KHDRBS2: variants seen among roughly 807,000 people sequenced by gnomAD.
KHDRBS2 encodes KH domain-containing, RNA-binding, signal transduction-associated protein 2.
Under a neutral mutation model 44.3 loss-of-function variants are expected in KHDRBS2, and 26 were observed. The ratio of observed to expected loss-of-function variants is 0.59; its 90% confidence interval spans 0.43 to 0.81. The LOEUF (loss-of-function observed/expected upper bound fraction) is 0.81. KHDRBS2 is among the 40% of genes least tolerant of loss of function. The pLI, the probability that KHDRBS2 is intolerant of heterozygous loss-of-function variation, is 0.00. For synonymous variants in KHDRBS2, 194 were observed against 151.1 expected, an observed-to-expected ratio of 1.28 and a Z score of -2.08; for missense variants, 476 against 433.1, an observed-to-expected ratio of 1.10 and a Z score of -0.88.
At chr6:61,925,657 G>A (rs1808812563) in intron 4 of KHDRBS2, among the ~76,000 whole-genome samples, 1 of 151,784 alleles carries the variant, frequency 6.6e-6, no homozygotes, top group African/African-American at 2.4e-5. Flanking sequence ...GGGAGGTTGA[G>A]GCGGCAGTGA....
At chr6:61,804,737 C>T (rs1326926276) in intron 6 of KHDRBS2, among the ~76,000 whole-genome samples, 4 of 152,202 alleles carry the variant, frequency 2.6e-5, no homozygotes, top group Non-Finnish European at 4.4e-5. Context: ...ACAGTCTGAC[C>T]TGTACGTTGG....
chr6:61,698,943 CTTGCTTTGCTCACCTTAGCATTCA>C (rs1263476172), intron 7 of KHDRBS2, among the ~76,000 whole-genome samples: 1 of 152,096 alleles, frequency 6.6e-6, no homozygotes, highest in Non-Finnish European at 1.5e-5. Context: ...GACCACCTAC[CTTGCTTTGCTCACCTTAGCATTCA>C]TTGATCATCA....
chr6:62,065,227 A>G (rs915439672), intron 2 of KHDRBS2, among the ~76,000 whole-genome samples: 5 of 152,214 alleles, frequency 3.3e-5, no homozygotes, highest in African/African-American at 1.2e-4. Flanking sequence ...CAGTGTGGCC[A>G]TTCCTCAGGG....
intron 1 of KHDRBS2, among the ~76,000 whole-genome samples, chr6:62,264,706 A>G (rs1838912635): frequency 6.6e-6 from 1 of 151,778 alleles, no homozygotes; most frequent in Admixed American, 6.6e-5. Context: ...TTACCACATC[A>G]TTCCGACTGC....
At chr6:61,729,588 C>T (rs1487999923) in intron 7 of KHDRBS2, among the ~76,000 whole-genome samples, 1 of 152,144 alleles carries the variant, frequency 6.6e-6, no homozygotes, top group Non-Finnish European at 1.5e-5. Context: ...GCTCCACATC[C>T]TCACTAACAT....
At chr6:62,272,504 A>T (rs182096951) in intron 1 of KHDRBS2, among the ~76,000 whole-genome samples, 19 of 152,308 alleles carry the variant, frequency 1.2e-4, no homozygotes, top group Admixed American at 2.6e-4. Context: ...AAGAATCAGT[A>T]AGGATCCAAC....
intron 6 of KHDRBS2, among the ~76,000 whole-genome samples, chr6:61,775,530 C>T (rs1204795930): frequency 6.6e-6 from 1 of 152,094 alleles, no homozygotes; most frequent in African/African-American, 2.4e-5. Flanking sequence ...CATGAGTGAA[C>T]TCCCATTCAC....
intron 2 of KHDRBS2, among the ~76,000 whole-genome samples, chr6:62,101,248 A>G (rs1801826067): frequency 6.6e-6 from 1 of 152,056 alleles, no homozygotes; most frequent in Admixed American, 6.6e-5. Flanking sequence ...CCTAGATGCT[A>G]TGGTCAATCT....
chr6:61,809,857 A>C (rs1476439205), intron 6 of KHDRBS2, among the ~76,000 whole-genome samples: 1 of 152,208 alleles, frequency 6.6e-6, no homozygotes, highest in Non-Finnish European at 1.5e-5. Context: ...AGCACCAGTC[A>C]CTGAATATTT....
At chr6:62,068,831 C>T (rs532234540) in intron 2 of KHDRBS2, among the ~76,000 whole-genome samples, 6 of 151,638 alleles carry the variant, frequency 4.0e-5, no homozygotes, top group African/African-American at 1.5e-4. Context: ...TTTCTGGAAT[C>T]TCAATTCTAT....
chr6:61,577,553 A>T, the KHDRBS2 span, among the ~76,000 whole-genome samples: 1 of 152,182 alleles, frequency 6.6e-6, no homozygotes, highest in Non-Finnish European at 1.5e-5. Flanking sequence ...TTGAACGTTT[A>T]TATAGGATGA....
chr6:61,686,297 T>A (rs1435699759), intron 8 of KHDRBS2, among the ~76,000 whole-genome samples: 6 of 151,770 alleles, frequency 4.0e-5, no homozygotes, highest in East Asian at 1.9e-4. Context: ...ACCGCTAGTG[T>A]TTTTGCTTTG....
intron 2 of KHDRBS2, among the ~76,000 whole-genome samples, chr6:62,087,555 T>A (rs1311313520): frequency 6.6e-6 from 1 of 152,088 alleles, no homozygotes; most frequent in Non-Finnish European, 1.5e-5. Context: ...AGTAAAATAT[T>A]TCCAAATAGG....
At chr6:62,175,677 A>C (rs1242229532) in intron 2 of KHDRBS2, among the ~76,000 whole-genome samples, 3 of 151,656 alleles carry the variant, frequency 2.0e-5, no homozygotes, top group African/African-American at 7.2e-5. Context: ...ACGGCAGTTA[A>C]GAATAAGCAG....
intron 6 of KHDRBS2, among the ~76,000 whole-genome samples, chr6:61,844,010 G>T (rs1794001594): frequency 6.6e-6 from 1 of 151,994 alleles, no homozygotes; most frequent in African/African-American, 2.4e-5. Context: ...TATTCACATA[G>T]GTTTAAAATC....
chr6:61,810,713 CTT>C (rs1228937777), intron 6 of KHDRBS2, among the ~76,000 whole-genome samples: 1 of 151,840 alleles, frequency 6.6e-6, no homozygotes, highest in Non-Finnish European at 1.5e-5. Flanking sequence ...GTACAAAACT[CTT>C]ATAGAATATT....
the KHDRBS2 span, among the ~76,000 whole-genome samples, chr6:61,604,085 G>A: frequency 8.5e-5 from 13 of 152,138 alleles, no homozygotes; most frequent in Non-Finnish European, 1.8e-4. Context: ...CCTTGCTCTT[G>A]CAAAAGGACT....
chr6:61,955,114 G>A (rs1380354907), intron 4 of KHDRBS2, among the ~76,000 whole-genome samples: 8 of 124,596 alleles, frequency 6.4e-5, no homozygotes, highest in African/African-American at 1.2e-4. Context: ...ATACACATAT[G>A]TGTATATATG....
intron 3 of KHDRBS2, among the ~76,000 whole-genome samples, chr6:62,046,598 A>G (rs1477746161): frequency 6.6e-6 from 1 of 151,954 alleles, no homozygotes; most frequent in Non-Finnish European, 1.5e-5. Context: ...AATATTAAAG[A>G]ATACATGAAA....
Sources: gnomAD v4.1 joint callset for allele counts (sites outside exome capture counted in the v4.1 genomes callset) on GRCh38, gnomAD v4.1.1 for gene constraint, MANE v1.5 for transcripts, NCBI Gene and HGNC (gene_info 2026-07-23, HGNC 2026-07-21) for gene names.